CCSAP: variants seen among roughly 807,000 people sequenced by gnomAD.
CCSAP encodes centriole, cilia and spindle associated protein, also known as centriole, cilia and spindle-associated protein.
CCSAP carries 17 observed loss-of-function variants against 25.9 expected under a neutral mutation model. The ratio of observed to expected loss-of-function variants is 0.66; its 90% CI spans 0.45 to 0.99. The LOEUF (loss-of-function observed/expected upper bound fraction) is 0.99, where lower values mean the gene tolerates loss of function less well. CCSAP is among the 50% of genes least tolerant of loss of function. CCSAP has a pLI of 0.00. For synonymous variants in CCSAP, 169 were observed against 157.1 expected, an observed-to-expected ratio of 1.08 and a Z score of -0.57; for missense variants, 339 against 367.8, an observed-to-expected ratio of 0.92 and a Z score of 0.64.
At chr1:229,327,121 T>A in intron 2 of CCSAP, 115 bp from the exon 3 acceptor site, 1 of 836,570 alleles carries the variant, frequency 1.2e-6, no homozygotes. Flanking sequence ...CACTTATGGC[T>A]CAACTCATAC....
rs769853432 is a variant in CCSAP, at chr1:229,325,278, G to A, written c.770C>T (p.Pro257Leu). 7 of 1,613,814 alleles carry A rather than the reference G, an allele frequency of 4.3e-6. No individual in the cohort carries two copies. Among genetic ancestry groups the A allele is most frequent in the Non-Finnish European group, 5.1e-6 (6 of 1,179,964 alleles). The part of the protein sequence containing the change: ...RKMKASSSEN[P>L]WMTEYMRCYS... The stretch of plus-strand genomic sequence containing the variant: ...GCACCTCATGTATTCTGTCATCCAC[G>A]GGTTCTCTGAGGAGGAAGCCTTCAT... The change falls in exon 4 of 4, where the codon CCG becomes CTG. Residue 257 changes from proline to leucine, a missense_variant. By Grantham distance (98) the Pro-to-Leu change is moderately conservative. Transcript: ENST00000284617.
intron 2 of CCSAP, among the ~76,000 whole-genome samples, chr1:229,335,751 C>T (rs1049433687): frequency 6.6e-6 from 1 of 152,146 alleles, no homozygotes; most frequent in Non-Finnish European, 1.5e-5. Context: ...CCGGGTCCCT[C>T]CAGCCTGGAG....
chr1:229,338,940 A>G (rs1456222001), intron 2 of CCSAP, among the ~76,000 whole-genome samples: 1 of 152,060 alleles, frequency 6.6e-6, no homozygotes, highest in Non-Finnish European at 1.5e-5. Context: ...TCAAATGGAA[A>G]ATGTAATAAG....
At chr1:229,332,407 C>T (rs1658091619) in intron 2 of CCSAP, among the ~76,000 whole-genome samples, 1 of 152,158 alleles carries the variant, frequency 6.6e-6, no homozygotes. Flanking sequence ...GGGAAAATAG[C>T]CCCACATATT....
intron 2 of CCSAP, among the ~76,000 whole-genome samples, chr1:229,336,292 G>T (rs567291307): frequency 6.6e-6 from 1 of 151,836 alleles, no homozygotes; most frequent in South Asian, 2.1e-4. Context: ...TACCCAGAAG[G>T]TCTGTGGATT....
intron 2 of CCSAP, among the ~76,000 whole-genome samples, chr1:229,339,255 C>A (rs557146792): frequency 6.6e-6 from 1 of 152,042 alleles, no homozygotes; most frequent in African/African-American, 2.4e-5. Context: ...AAGAGAAGAC[C>A]GTGAAAGCTT....
rs1558253768 is a variant in CCSAP at position 229,342,195 on chromosome 1, C to T, written c.271G>A (p.Glu91Lys). Residue 91 changes from glutamate (E) to lysine (K), a missense_variant, in exon 2 of 4, where the codon GAG becomes AAG. Transcript: ENST00000284617. This position sits in a 1 kb window ranked among gnomAD's most constrained non-coding sequence, Gnocchi z 7.5. The part of the protein sequence containing the change: ...PPPPVEPATQ[E>K]EAERRARGAP... ...CCGCGCGCCCGCCGTTCCGCCTCCT[C>T]CTGGGTCGCCGGCTCTACGGGCGGC... 2.4e-6 allele frequency: 3 copies of T among 1,267,184 alleles called. No individual in the cohort carries two copies. The highest frequency in any genetic ancestry group is 3.0e-6 in the Non-Finnish European group (3 of 1,008,878). The allele number at this position is 1,267,184 out of a possible 1,614,324, so 78.5% of individuals were successfully genotyped here.
Position 229,323,341 on chromosome 1 carries a change from G to A in CCSAP, c.*1894C>T, listed in dbSNP as rs1304570713. 6.6e-6 allele frequency: 1 copy of A among 152,208 alleles called. No homozygotes were observed. Among genetic ancestry groups the A allele is most frequent in the African/African-American group, 2.4e-5 (1 of 41,446 alleles). The allele number at this position is 152,208 out of a possible 1,614,324, so 9.4% of individuals were successfully genotyped here. ...GGCGGTTCAAAGTCTAGAGGAAGTC[G>A]GGTTTCTAAGGCAGTCCGTCAGTGT... On this transcript the variant is annotated 3_prime_UTR_variant, in exon 4 of 4. Coordinates refer to ENST00000284617, the MANE Select transcript of CCSAP (RefSeq NM_145257.5).
intron 2 of CCSAP, among the ~76,000 whole-genome samples, chr1:229,335,134 A>G (rs1416029470): frequency 6.6e-6 from 1 of 152,128 alleles, no homozygotes; most frequent in African/African-American, 2.4e-5. Flanking sequence ...GCAACATAGC[A>G]AGACCTCATC....
At chr1:229,338,538 A>AACACACACACACACACAC (rs55718200) in intron 2 of CCSAP, among the ~76,000 whole-genome samples, 2 of 141,820 alleles carry the variant, frequency 1.4e-5, no homozygotes, top group African/African-American at 5.3e-5. Context: ...CCCAAACCCC[A>AACACACACACACACACAC]ACACACACAC....
At position 229,342,392 on chromosome 1, in the gene CCSAP, G is replaced by C. The variant is rs773989155; in HGVS notation, c.74C>G (p.Pro25Arg). The C allele has an allele frequency of 3.3e-6, 5 of 1,496,308 alleles. No homozygotes were observed. The highest frequency in any genetic ancestry group is 1.4e-5 in the African/African-American group (1 of 69,530). 92.7% of individuals were successfully genotyped at this position (1,496,308 alleles called of 1,614,324 possible). ...GTAGTGCAGCAGCTCGCGGTAGCAC[G>C]GCCCGTACTCCTCCCAGCGCGGCTC... ...YQEPRWEEYG[P>R]CYRELLHYRL... Residue 25 changes from proline (P) to arginine (R), a missense_variant, in exon 2 of 4, where the codon CCG (proline) becomes CGG (arginine). Transcript: ENST00000284617. This position sits in a 1 kb window ranked among gnomAD's most constrained non-coding sequence, Gnocchi z 7.5.
At position 229,342,302 on chromosome 1, in the gene CCSAP, G is replaced by A; in HGVS notation, c.164C>T (p.Ala55Val). 6.9e-7 allele frequency: 1 copy of A among 1,441,328 alleles called. No individual in the cohort carries two copies. Among genetic ancestry groups the A allele is most frequent in the Admixed American group, 2.4e-5 (1 of 41,320 alleles). The allele number at this position is 1,441,328 out of a possible 1,614,324, so 89.3% of individuals were successfully genotyped here. A position where few individuals can be genotyped will look rare whatever the true frequency, so the allele number is the denominator to read the frequency against. Residue 55 changes from alanine (A) to valine (V), a missense_variant, in exon 2 of 4, where the codon GCC becomes GTC. Transcript: ENST00000284617. This position sits in a 1 kb window ranked among gnomAD's most constrained non-coding sequence, Gnocchi z 7.5. The stretch of plus-strand genomic sequence containing the variant: ...CGACGCCGAGTCCTCCGAGGAGCCG[G>A]CCGGGCCCCAGTCGTCCCAGAGCCA... ...APWLWDDWGP[A>V]GSSEDSASSE...
At chr1:229,327,225 A>G (rs1374236732) in intron 2 of CCSAP, 2 of 443,044 alleles carry the variant, frequency 4.5e-6, no homozygotes, top group Non-Finnish European at 7.9e-6. Context: ...CCAAGATTGA[A>G]CCAAGCTTAT....
At chr1:229,330,620 A>C (rs1658044761) in intron 2 of CCSAP, among the ~76,000 whole-genome samples, 1 of 152,300 alleles carries the variant, frequency 6.6e-6, no homozygotes, top group East Asian at 1.9e-4. Flanking sequence ...AGGCGGGCGG[A>C]TCACGAGGTC....
rs2102701511 is a variant in CCSAP, at chr1:229,342,615, G to A, written c.-48-102C>T. 2 of 470,562 alleles carry A rather than the reference G, an allele frequency of 4.3e-6. No individual in the cohort carries two copies. The highest frequency in any genetic ancestry group is 1.1e-4 in the South Asian group (1 of 9,060). 29.1% of individuals were successfully genotyped at this position (470,562 alleles called of 1,614,324 possible). ...AGCCCCGCCCGGACGGGAGCAGGGG[G>A]CGGGTCCCGGCGAGGGCGGGGAGGG... On this transcript the variant is annotated intron_variant, in intron 1 of 3. Coordinates refer to ENST00000284617, the MANE Select transcript of CCSAP (RefSeq NM_145257.5). The surrounding 1 kb of genome is among the most constrained non-coding windows in gnomAD (Gnocchi z 7.5).
chr1:229,342,054 C>A lies in CCSAP; in HGVS notation c.367+45G>T. On this transcript the variant is annotated intron_variant, in intron 2 of 3. Coordinates refer to ENST00000284617, the MANE Select transcript of CCSAP (RefSeq NM_145257.5). This position sits in a 1 kb window ranked among gnomAD's most constrained non-coding sequence, Gnocchi z 7.5. ...CAGCTGCTCAGAGCTTAGAGCAAAC[C>A]GTCCCTGCGTGCAGGCCCCTCGCGC... The A allele has an allele frequency of 7.7e-7, 1 of 1,299,926 alleles. No individual in the cohort carries two copies. Among genetic ancestry groups the A allele is most frequent in the Non-Finnish European group, 9.8e-7 (1 of 1,024,970 alleles). 80.5% of individuals were successfully genotyped at this position (1,299,926 alleles called of 1,614,324 possible).
At chr1:229,337,706 C>CAT (rs397733324) in intron 2 of CCSAP, among the ~76,000 whole-genome samples, 26,652 of 88,232 alleles carry the variant, frequency 0.3, 4,566 homozygotes, top group Admixed American at 0.34. Flanking sequence ...TATACACATA[C>CAT]ATATATATAT....
At chr1:229,341,225 G>T (rs951778697) in intron 2 of CCSAP, among the ~76,000 whole-genome samples, 1 of 146,934 alleles carries the variant, frequency 6.8e-6, no homozygotes, top group Non-Finnish European at 1.5e-5. Flanking sequence ...TTACAACATG[G>T]TCTCTTTTGG....
intron 2 of CCSAP, among the ~76,000 whole-genome samples, chr1:229,333,078 A>G (rs1007458229): frequency 6.6e-6 from 1 of 152,226 alleles, no homozygotes; most frequent in Non-Finnish European, 1.5e-5. Flanking sequence ...TCTAACCACA[A>G]TGTAATTAAA....
Sources: allele counts gnomAD v4.1 joint callset (sites outside exome capture counted in the v4.1 genomes callset), GRCh38; gene constraint gnomAD v4.1.1; non-coding constraint Gnocchi (gnomAD v3.1); transcripts MANE v1.5; gene names NCBI Gene and HGNC (gene_info 2026-07-23, HGNC 2026-07-21).